The following ASPH variants were observed in gnomAD, a reference collection of about 807,000 sequenced individuals.
The protein encoded by ASPH is aspartate beta-hydroxylase.
ASPH carries 100 observed loss-of-function variants against 118.4 expected under a neutral mutation model. The ratio of observed to expected loss-of-function variants is 0.84; its 90% CI spans 0.72 to 1.00. The LOEUF (loss-of-function observed/expected upper bound fraction) is 1.00. ASPH is among the 50% of genes least tolerant of loss of function. The pLI is 0.00. For missense variants in ASPH, 920 were observed against 919.5 expected (o/e 1.00, Z -0.01); for synonymous variants, 315 against 325.6 (o/e 0.97, Z 0.35).
chr8:61,596,346 G>T (rs1419683470), intron 14 of ASPH, among the ~76,000 whole-genome samples: 1 of 152,188 alleles, frequency 6.6e-6, no homozygotes, highest in African/African-American at 2.4e-5. Context: ...CTGAGGGTTG[G>T]CCTGCTACTG....
intron 10 of ASPH, among the ~76,000 whole-genome samples, chr8:61,640,765 G>A (rs1804738455): frequency 1.3e-5 from 2 of 152,186 alleles, no homozygotes; most frequent in East Asian, 1.9e-4. Context: ...AACAGTGTAT[G>A]AATAAATAAG....
chr8:61,652,294 G>T (rs925526958), intron 4 of ASPH, among the ~76,000 whole-genome samples: 2 of 152,168 alleles, frequency 1.3e-5, no homozygotes, highest in South Asian at 2.1e-4. Context: ...GGTGCACTCT[G>T]CTCACTCTTT....
At chr8:61,580,823 T>G (rs1484091086) in intron 15 of ASPH, among the ~76,000 whole-genome samples, 1 of 152,232 alleles carries the variant, frequency 6.6e-6, no homozygotes, top group Non-Finnish European at 1.5e-5. Context: ...AACTGGATAA[T>G]CCAGGATAAT....
chr8:61,638,223 A>G, intron 11 of ASPH, 99 bp downstream of exon 11: 5 of 1,448,988 alleles, frequency 3.5e-6, no homozygotes, highest in Non-Finnish European at 4.7e-6. Context: ...AATGTCTTGC[A>G]TTTTTTCTAC....
intron 16 of ASPH, among the ~76,000 whole-genome samples, chr8:61,572,521 C>G (rs1193865103): frequency 6.6e-6 from 1 of 152,182 alleles, no homozygotes; most frequent in Non-Finnish European, 1.5e-5. Context: ...TGGTCAGTAA[C>G]TGGCATTATC....
intron 15 of ASPH, chr8:61,578,106 A>G (rs1587524652): frequency 8.8e-7 from 1 of 1,133,134 alleles, no homozygotes; most frequent in East Asian, 2.6e-5. Flanking sequence ...GGGTACAGGT[A>G]TTGGATAAAT....
intron 1 of ASPH, among the ~76,000 whole-genome samples, chr8:61,706,423 A>AG: frequency 6.9e-6 from 1 of 143,922 alleles, no homozygotes. Context: ...AAAAAAAAAA[A>AG]AAAAAAGAAG....
chr8:61,622,552 A>C (rs904588194), intron 13 of ASPH, among the ~76,000 whole-genome samples: 1 of 152,158 alleles, frequency 6.6e-6, no homozygotes, highest in Non-Finnish European at 1.5e-5. Flanking sequence ...AAGCACCCAG[A>C]CTGACCAGTC....
chr8:61,699,657 T>C (rs1241733177), intron 1 of ASPH, among the ~76,000 whole-genome samples: 1 of 152,102 alleles, frequency 6.6e-6, no homozygotes, highest in Non-Finnish European at 1.5e-5. Flanking sequence ...TAGAAAATCC[T>C]AAGAAAAATT....
intron 14 of ASPH, among the ~76,000 whole-genome samples, chr8:61,617,932 C>CAAAA (rs10674052): frequency 1.5e-4 from 13 of 87,564 alleles, no homozygotes; most frequent in Non-Finnish European, 1.3e-4. Context: ...GACGCCATCT[C>CAAAA]AAAAAAAAAA....
intron 1 of ASPH, among the ~76,000 whole-genome samples, chr8:61,712,347 G>C (rs1447290259): frequency 6.6e-6 from 1 of 152,176 alleles, no homozygotes; most frequent in Non-Finnish European, 1.5e-5. Flanking sequence ...GGTGATGGAA[G>C]GAAATGGTTT....
chr8:61,589,268 T>A (rs1472405092), intron 14 of ASPH, among the ~76,000 whole-genome samples: 1 of 152,188 alleles, frequency 6.6e-6, no homozygotes, highest in African/African-American at 2.4e-5. Flanking sequence ...AACCTGACTT[T>A]TAACAAAAAA....
intron 3 of ASPH, chr8:61,663,206 T>C: frequency 2.0e-6 from 2 of 985,388 alleles, no homozygotes; most frequent in South Asian, 9.4e-5. Flanking sequence ...AAAGCCTCAC[T>C]TTCTTGTCCC....
At position 61,692,729 on chromosome 8, in the gene ASPH, A is replaced by G. The variant is rs7838630; in HGVS notation, c.104-8541T>C. Among the ~76,000 whole-genome samples the G allele has an allele frequency of 1.3e-3, 191 of 152,252 alleles. 1 individual carries two copies. The highest frequency in any genetic ancestry group is 4.1e-3 in the African/African-American group (172 of 41,532). ...AGAGTCAAACAGGGCTTGTTAAGAC[A>G]TGATGCCGACCTTAACCCCAGAGTT... is the stretch of plus-strand genomic sequence containing the variant. On this transcript the variant is annotated intron_variant, in intron 1 of 24. Coordinates refer to ENST00000379454, the MANE Select transcript of ASPH (RefSeq NM_004318.4).
intron 13 of ASPH, chr8:61,625,776 G>A (rs1852532727): frequency 2.0e-6 from 2 of 985,602 alleles, no homozygotes; most frequent in African/African-American, 1.7e-5. Context: ...CACAGCTAAT[G>A]ATGATCTCTG....
chr8:61,516,809 C>G (rs1197556491), intron 24 of ASPH, among the ~76,000 whole-genome samples: 1 of 152,086 alleles, frequency 6.6e-6, no homozygotes. Flanking sequence ...ATGGTTTGTT[C>G]AAAAGATCAT....
At chr8:61,653,254 T>C (rs1024630167) in intron 4 of ASPH, among the ~76,000 whole-genome samples, 5 of 152,186 alleles carry the variant, frequency 3.3e-5, no homozygotes, top group African/African-American at 1.2e-4. Flanking sequence ...TGTGTGTATT[T>C]TTACTTTCAA....
chr8:61,526,114 T>C lies in ASPH; in HGVS notation c.1765-2A>G. ...TAACTTCCAGTTTCTTTCTAAAGAC[T>C]AGAGGGAAGATTCTGGCTTTACTGG... On this transcript the variant is annotated splice_acceptor_variant, in intron 21 of 24. Transcript: ENST00000379454. LOFTEE classifies it high-confidence loss of function. The C allele has an allele frequency of 6.2e-7, 1 of 1,613,906 alleles. No individual in the cohort carries two copies. Among genetic ancestry groups the C allele is most frequent in the Non-Finnish European group, 8.5e-7 (1 of 1,179,844 alleles).
chr8:61,584,565 C>T (rs138238109), intron 14 of ASPH, among the ~76,000 whole-genome samples: 382 of 152,302 alleles, frequency 2.5e-3, no homozygotes, highest in African/African-American at 8.3e-3. Context: ...TAGACTGCCC[C>T]ATGATCCCCA....
Sources: allele counts gnomAD v4.1 joint callset (sites outside exome capture counted in the v4.1 genomes callset), GRCh38; gene constraint gnomAD v4.1.1; transcripts MANE v1.5; gene names NCBI Gene and HGNC (gene_info 2026-07-23, HGNC 2026-07-21).